PALM2AKAP2: variants seen among roughly 807,000 people sequenced by gnomAD.
PALM2AKAP2 encodes the protein PALM2 and AKAP2 fusion, also known as PALM2-AKAP2 fusion protein.
Under a neutral mutation model 71.5 loss-of-function variants are expected in PALM2AKAP2, and 37 were observed. The ratio of observed to expected loss-of-function variants is 0.52; its 90% CI spans 0.40 to 0.68. The LOEUF is 0.68. Among genes scored for constraint, PALM2AKAP2 ranks in the 30% least tolerant of loss-of-function variants. The probability of loss-of-function intolerance (pLI) is 0.00; values close to 1 mark genes in which losing one functional copy is unlikely to be tolerated. For synonymous variants in PALM2AKAP2, 468 were observed against 478.8 expected, an observed-to-expected ratio of 0.98 and a Z score of 0.29; for missense variants, 1,224 against 1,191.8, an observed-to-expected ratio of 1.03 and a Z score of -0.40.
At chr9:109,749,230 C>T (rs1319468482) in intron 1 of PALM2AKAP2, among the ~76,000 whole-genome samples, 1 of 152,044 alleles carries the variant, frequency 6.6e-6, no homozygotes, top group Non-Finnish European at 1.5e-5. Context: ...ATCATGATGC[C>T]CTTCAGAAGT....
intron 6 of PALM2AKAP2, among the ~76,000 whole-genome samples, chr9:109,994,424 G>A (rs1236221140): frequency 6.6e-6 from 1 of 152,102 alleles, no homozygotes; most frequent in African/African-American, 2.4e-5. Context: ...AGGCTTTTTT[G>A]TTTCCAATCA....
chr9:109,749,073 C>A (rs908973399), intron 1 of PALM2AKAP2, among the ~76,000 whole-genome samples: 3 of 152,112 alleles, frequency 2.0e-5, no homozygotes, highest in Admixed American at 2.0e-4. Context: ...CACAATTCAG[C>A]CCATATCAGA....
chr9:109,677,667 C>CA (rs33952632), intron 1 of PALM2AKAP2, among the ~76,000 whole-genome samples: 9,192 of 98,444 alleles, frequency 0.093, 687 homozygotes, highest in African/African-American at 0.25. Context: ...GACTCTGTCT[C>CA]AAAAAAAAAA....
At chr9:109,916,912 A>G (rs1392903222) in intron 3 of PALM2AKAP2, among the ~76,000 whole-genome samples, 1 of 152,034 alleles carries the variant, frequency 6.6e-6, no homozygotes, top group Non-Finnish European at 1.5e-5. Context: ...AGAATAATGG[A>G]CCCCCAGAGA....
intron 1 of PALM2AKAP2, among the ~76,000 whole-genome samples, chr9:109,694,706 C>T (rs946838659): frequency 6.6e-6 from 1 of 151,880 alleles, no homozygotes; most frequent in Admixed American, 6.6e-5. Context: ...AGAAATCTGC[C>T]AGAGTAGAAA....
chr9:110,002,332 G>T, intron 6 of PALM2AKAP2, among the ~76,000 whole-genome samples: 1 of 152,042 alleles, frequency 6.6e-6, no homozygotes, highest in African/African-American at 2.4e-5. Context: ...ACTTGCATAT[G>T]TTGAACCAGC....
chr9:109,835,095 G>A (rs978643877), intron 1 of PALM2AKAP2, among the ~76,000 whole-genome samples: 1 of 151,796 alleles, frequency 6.6e-6, no homozygotes, highest in African/African-American at 2.4e-5. Flanking sequence ...TTGACACCTG[G>A]CATTTGTGTT....
intron 1 of PALM2AKAP2, among the ~76,000 whole-genome samples, chr9:109,642,700 G>A (rs1330215781): frequency 6.6e-6 from 1 of 151,614 alleles, no homozygotes; most frequent in Non-Finnish European, 1.5e-5. Flanking sequence ...CTACAGGCAT[G>A]CACAACCATG....
chr9:109,663,218 T>G (rs1398088970), intron 1 of PALM2AKAP2, among the ~76,000 whole-genome samples: 2 of 152,222 alleles, frequency 1.3e-5, no homozygotes, highest in Non-Finnish European at 2.9e-5. Flanking sequence ...AGTTATTTCT[T>G]GCCTTCTGCT....
intron 1 of PALM2AKAP2, among the ~76,000 whole-genome samples, chr9:109,841,043 T>G (rs956357067): frequency 1.3e-5 from 2 of 152,178 alleles, no homozygotes; most frequent in African/African-American, 4.8e-5. Context: ...TTATAAATTA[T>G]GCTGCTACAA....
chr9:109,915,437 G>A (rs1465406354), intron 3 of PALM2AKAP2, among the ~76,000 whole-genome samples: 3 of 152,166 alleles, frequency 2.0e-5, no homozygotes, highest in Non-Finnish European at 4.4e-5. Context: ...GCATTCTTTA[G>A]GGAATGAAGG....
chr9:109,854,039 T>C (rs372050470), intron 1 of PALM2AKAP2, among the ~76,000 whole-genome samples: 72 of 152,342 alleles, frequency 4.7e-4, no homozygotes, highest in African/African-American at 1.5e-3. Context: ...GAGCTGTCCC[T>C]ATACCAGCAG....
chr9:109,975,245 T>C (rs1402640376), intron 6 of PALM2AKAP2, among the ~76,000 whole-genome samples: 1 of 152,142 alleles, frequency 6.6e-6, no homozygotes, highest in East Asian at 1.9e-4. Context: ...ATGATGTAAT[T>C]CCAGTCCAAC....
chr9:110,061,647 A>G (rs1009070202), intron 1 of PALM2AKAP2, among the ~76,000 whole-genome samples: 18 of 148,776 alleles, frequency 1.2e-4, no homozygotes, highest in Middle Eastern at 7.1e-3. Context: ...TTATATATAT[A>G]TGTGTGTGTG....
chr9:110,085,882 G>A (rs188331188), intron 1 of PALM2AKAP2, among the ~76,000 whole-genome samples: 1,878 of 152,194 alleles, frequency 0.012, 27 homozygotes, highest in South Asian at 0.028. Flanking sequence ...CGAGGCGGGC[G>A]GATCACCTGA....
intron 2 of PALM2AKAP2, among the ~76,000 whole-genome samples, chr9:109,877,726 G>A (rs1019850681): frequency 2.0e-5 from 3 of 152,146 alleles, no homozygotes; most frequent in African/African-American, 7.2e-5. Context: ...GAAAACTGAG[G>A]CTCAGTGAGG....
At chr9:109,984,966 G>A (rs1009036836) in intron 6 of PALM2AKAP2, among the ~76,000 whole-genome samples, 7 of 152,178 alleles carry the variant, frequency 4.6e-5, no homozygotes, top group Admixed American at 2.6e-4. Context: ...CCTGAGGTCA[G>A]GAGGTCAAGG....
chr9:109,941,316 G>A (rs1284502219), intron 6 of PALM2AKAP2, among the ~76,000 whole-genome samples: 2 of 152,148 alleles, frequency 1.3e-5, no homozygotes, highest in South Asian at 2.1e-4. Flanking sequence ...AAAATAAAAA[G>A]CAAGGCTGTT....
intron 1 of PALM2AKAP2, among the ~76,000 whole-genome samples, chr9:110,129,555 C>A (rs1835689168): frequency 6.6e-6 from 1 of 152,178 alleles, no homozygotes; most frequent in Non-Finnish European, 1.5e-5. Context: ...CATGCCTTTC[C>A]CACTTAACAG....
Sources: allele counts gnomAD v4.1 joint callset (sites outside exome capture counted in the v4.1 genomes callset), GRCh38; gene constraint gnomAD v4.1.1; transcripts MANE v1.5; gene names NCBI Gene and HGNC (gene_info 2026-07-23, HGNC 2026-07-21).